Variants in DCC observed in about 807,000 individuals in gnomAD.
DCC encodes netrin receptor DCC.
A neutral mutation model predicts 172.5 loss-of-function variants in DCC; 58 were observed. The observed-to-expected ratio is 0.34, with a 90% CI of 0.27 to 0.42. DCC has a LOEUF of 0.42. DCC is among the 10% of genes least tolerant of loss of function. DCC has a pLI of 1.00. For synonymous variants in DCC, 709 were observed against 644.5 expected, an observed-to-expected ratio of 1.10 and a Z score of -1.52; for missense variants, 1,740 against 1,791.0, an observed-to-expected ratio of 0.97 and a Z score of 0.51.
intron 19 of DCC, among the ~76,000 whole-genome samples, chr18:53,406,349 C>G (rs1909645827): frequency 6.6e-6 from 1 of 151,670 alleles, no homozygotes; most frequent in Non-Finnish European, 1.5e-5. Flanking sequence ...CTTTTTATTC[C>G]CTTTGTTACT....
intron 2 of DCC, among the ~76,000 whole-genome samples, chr18:52,836,735 C>A (rs979649987): frequency 2.0e-5 from 3 of 152,220 alleles, no homozygotes; most frequent in African/African-American, 7.2e-5. Context: ...GCCAGTGGCT[C>A]TTCCAGGTGC....
chr18:52,891,253 T>G (rs1353523826), intron 2 of DCC, among the ~76,000 whole-genome samples: 2 of 152,102 alleles, frequency 1.3e-5, no homozygotes, highest in Non-Finnish European at 2.9e-5. Context: ...CCTGGTGAAC[T>G]CTGCATTTTC....
chr18:53,165,613 G>A (rs1362117237), intron 8 of DCC, among the ~76,000 whole-genome samples: 1 of 152,070 alleles, frequency 6.6e-6, no homozygotes, highest in Admixed American at 6.6e-5. Context: ...GTACCTCAAA[G>A]TGTTTTTAAT....
At chr18:52,770,605 T>A (rs191677003) in intron 2 of DCC, among the ~76,000 whole-genome samples, 62 of 151,704 alleles carry the variant, frequency 4.1e-4, no homozygotes, top group Non-Finnish European at 7.5e-4. Flanking sequence ...ACCAGAGTCA[T>A]GGGCAGTGAC....
intron 1 of DCC, among the ~76,000 whole-genome samples, chr18:52,740,134 A>T (rs1281480767): frequency 6.6e-6 from 1 of 152,180 alleles, no homozygotes; most frequent in African/African-American, 2.4e-5. Flanking sequence ...TAAGTTGCAC[A>T]TATAGACGCC....
chr18:53,146,339 G>C (rs1289866521), intron 7 of DCC, among the ~76,000 whole-genome samples: 2 of 152,238 alleles, frequency 1.3e-5, no homozygotes, highest in African/African-American at 4.8e-5. Flanking sequence ...AGATGTGGTT[G>C]TCTGGTGAGG....
chr18:53,215,723 C>A (rs1953566837), intron 12 of DCC, 126 bp downstream of exon 12: 1 of 796,262 alleles, frequency 1.3e-6, no homozygotes, highest in Non-Finnish European at 2.3e-6. Context: ...TGTTCTGGAA[C>A]AACACAGCAA....
chr18:52,618,413 C>T lies in DCC; in HGVS notation c.92-133641C>T, dbSNP rs567751874. Among the ~76,000 whole-genome samples, 39 of 152,268 alleles carry T rather than the reference C, an allele frequency of 2.6e-4. 1 individual carries two copies. In the East Asian group the frequency reaches 5.2e-3, roughly 20 times the overall value. On this transcript the variant is annotated intron_variant, in intron 1 of 28. Transcript: ENST00000442544. ...CTGTCATCTTTAGCAGCCTCTTTAT[C>T]GTATTTAACCAAAAAATGTCTCTCT... is the stretch of plus-strand genomic sequence containing the variant.
intron 12 of DCC, among the ~76,000 whole-genome samples, chr18:53,268,876 T>C (rs1308789711): frequency 6.6e-6 from 1 of 151,984 alleles, no homozygotes; most frequent in Non-Finnish European, 1.5e-5. Flanking sequence ...GATGGATGAG[T>C]GGACAAGGAA....
At chr18:53,065,700 A>G (rs1313868563) in intron 6 of DCC, among the ~76,000 whole-genome samples, 2 of 152,190 alleles carry the variant, frequency 1.3e-5, no homozygotes, top group African/African-American at 4.8e-5. Flanking sequence ...TAACAAGTAA[A>G]AGAATGAGAT....
At chr18:52,649,911 A>G (rs1568274660) in intron 1 of DCC, among the ~76,000 whole-genome samples, 1 of 151,048 alleles carries the variant, frequency 6.6e-6, no homozygotes, top group African/African-American at 2.4e-5. Flanking sequence ...TCTTTATATA[A>G]TTCTTTCTTT....
chr18:53,342,146 G>T (rs2057666453), intron 15 of DCC, among the ~76,000 whole-genome samples: 1 of 151,952 alleles, frequency 6.6e-6, no homozygotes, highest in Non-Finnish European at 1.5e-5. Flanking sequence ...TATTTCATGA[G>T]AGAGCAAGAC....
chr18:52,836,589 T>C (rs1205162300), intron 2 of DCC, among the ~76,000 whole-genome samples: 1 of 152,200 alleles, frequency 6.6e-6, no homozygotes, highest in African/African-American at 2.4e-5. Flanking sequence ...TCCAGAATGA[T>C]CTCCTTTGAC....
At chr18:52,635,931 C>A (rs951127549) in intron 1 of DCC, among the ~76,000 whole-genome samples, 3 of 152,168 alleles carry the variant, frequency 2.0e-5, no homozygotes, top group Non-Finnish European at 4.4e-5. Flanking sequence ...ACTACAAGAG[C>A]AAACTAACAA....
intron 15 of DCC, among the ~76,000 whole-genome samples, chr18:53,376,091 A>C (rs747632972): frequency 8.1e-4 from 124 of 152,232 alleles, no homozygotes; most frequent in Admixed American, 1.7e-3. Flanking sequence ...AATTGATACA[A>C]ATATTATTTT....
chr18:53,496,919 G>C (rs1344687086), intron 26 of DCC, among the ~76,000 whole-genome samples: 1 of 152,056 alleles, frequency 6.6e-6, no homozygotes, highest in Non-Finnish European at 1.5e-5. Context: ...AGTAGAAAAG[G>C]AAAAATTGAA....
At chr18:53,063,061 A>C (rs1207943595) in intron 5 of DCC, among the ~76,000 whole-genome samples, 2 of 151,918 alleles carry the variant, frequency 1.3e-5, no homozygotes, top group Non-Finnish European at 2.9e-5. Context: ...TTTTTCCAAA[A>C]AGTGTTTCCT....
chr18:53,407,154 T>A (rs915679553), intron 19 of DCC, among the ~76,000 whole-genome samples: 1 of 152,122 alleles, frequency 6.6e-6, no homozygotes, highest in African/African-American at 2.4e-5. Context: ...ATGAGGAGAC[T>A]CGGGAATCAG....
At chr18:53,231,728 C>A (rs1206267334) in intron 12 of DCC, among the ~76,000 whole-genome samples, 1 of 151,930 alleles carries the variant, frequency 6.6e-6, no homozygotes, top group Admixed American at 6.6e-5. Context: ...CTATTTAATC[C>A]TCAGTGTGTT....
Sources: gnomAD v4.1 joint callset for allele counts (sites outside exome capture counted in the v4.1 genomes callset) on GRCh38, gnomAD v4.1.1 for gene constraint, MANE v1.5 for transcripts, NCBI Gene and HGNC (gene_info 2026-07-23, HGNC 2026-07-21) for gene names.